MACO1: variants seen among roughly 807,000 people sequenced by gnomAD.
MACO1 encodes macoilin.
MACO1 carries 14 observed loss-of-function variants against 78.7 expected under a neutral mutation model. The ratio of observed to expected loss-of-function variants is 0.18; its 90% CI spans 0.12 to 0.28. The LOEUF (loss-of-function observed/expected upper bound fraction) is 0.28. MACO1 is among the 10% of genes least tolerant of loss of function. MACO1 has a pLI of 1.00. For missense variants in MACO1, 501 were observed against 799.0 expected, an observed-to-expected ratio of 0.63 and a Z score of 4.50; for synonymous variants, 288 against 291.6, an observed-to-expected ratio of 0.99 and a Z score of 0.12.
chr1:25,465,641 AAATTCATGGTGT>A (rs1315430751), intron 6 of MACO1, among the ~76,000 whole-genome samples: 2 of 152,202 alleles, frequency 1.3e-5, no homozygotes, highest in Non-Finnish European at 2.9e-5. Context: ...AAATTTGTAT[AAATTCATGGTGT>A]ACAAGTGCAA....
At chr1:25,480,929 A>AAAAAAAAATATATAT (rs1553166539) in intron 6 of MACO1, among the ~76,000 whole-genome samples, 1 of 47,912 alleles carries the variant, frequency 2.1e-5, no homozygotes, top group Non-Finnish European at 3.4e-5. Flanking sequence ...AAAAAAAAAA[A>AAAAAAAAATATATAT]ATATATATAT....
chr1:25,458,060 G>A (rs35403885), intron 5 of MACO1, among the ~76,000 whole-genome samples: 63,171 of 152,022 alleles, frequency 0.42, 14,440 homozygotes, highest in East Asian at 0.73. Flanking sequence ...AGTGATAGGC[G>A]AGTTTGATTT....
chr1:25,440,064 G>A (rs1281786298), intron 1 of MACO1, among the ~76,000 whole-genome samples: 1 of 151,214 alleles, frequency 6.6e-6, no homozygotes, highest in Non-Finnish European at 1.5e-5. Flanking sequence ...TGGTTTATAT[G>A]GATTATATCT....
At chr1:25,434,429 C>T (rs11802413) in intron 1 of MACO1, among the ~76,000 whole-genome samples, 86,585 of 151,992 alleles carry the variant, frequency 0.57, 25,599 homozygotes, top group African/African-American at 0.71. Flanking sequence ...CAGGGAATTG[C>T]GGAGGATACA....
At chr1:25,436,141 G>T (rs1212693754) in intron 1 of MACO1, among the ~76,000 whole-genome samples, 1 of 152,098 alleles carries the variant, frequency 6.6e-6, no homozygotes, top group East Asian at 1.9e-4. Context: ...GATCTTAATG[G>T]TAGGTTTAAC....
intron 6 of MACO1, among the ~76,000 whole-genome samples, chr1:25,464,410 T>G (rs1005993876): frequency 2.3e-4 from 33 of 143,756 alleles, no homozygotes; most frequent in African/African-American, 7.8e-4. Context: ...AGTGGTGTGA[T>G]CTCGGCTCAC....
intron 10 of MACO1, among the ~76,000 whole-genome samples, chr1:25,494,972 A>C (rs1192920014): frequency 1.3e-5 from 2 of 152,124 alleles, no homozygotes; most frequent in African/African-American, 4.8e-5. Context: ...TTGGGATGGC[A>C]CAGGTGATTG....
chr1:25,457,577 A>G (rs2043132372), intron 5 of MACO1, among the ~76,000 whole-genome samples: 1 of 152,206 alleles, frequency 6.6e-6, no homozygotes, highest in African/African-American at 2.4e-5. Flanking sequence ...GCCAAGATGG[A>G]TAGGTCGTGT....
At chr1:25,477,230 G>GT (rs1043898584) in intron 6 of MACO1, among the ~76,000 whole-genome samples, 1 of 152,190 alleles carries the variant, frequency 6.6e-6, no homozygotes, top group African/African-American at 2.4e-5. Context: ...AATTTTTGTT[G>GT]TTTTTTAACT....
At chr1:25,445,342 G>T (rs918323549) in intron 1 of MACO1, among the ~76,000 whole-genome samples, 3 of 151,664 alleles carry the variant, frequency 2.0e-5, no homozygotes, top group South Asian at 2.1e-4. Context: ...ATTTGCTTTG[G>T]ATTCCTTTAT....
At chr1:25,448,321 G>T (rs754433986) in intron 2 of MACO1, among the ~76,000 whole-genome samples, 11 of 152,148 alleles carry the variant, frequency 7.2e-5, no homozygotes, top group Admixed American at 1.3e-4. Context: ...AAAATTAGTT[G>T]GGTGTAGTGG....
chr1:25,460,542 C>T (rs1458311500), intron 6 of MACO1, among the ~76,000 whole-genome samples: 1 of 151,990 alleles, frequency 6.6e-6, no homozygotes, highest in African/African-American at 2.4e-5. Context: ...GTAGCTGGGA[C>T]TACAGGCGCA....
intron 6 of MACO1, among the ~76,000 whole-genome samples, chr1:25,482,356 C>T (rs771818925): frequency 6.6e-6 from 1 of 152,152 alleles, no homozygotes; most frequent in African/African-American, 2.4e-5. Context: ...TCAACTGCAG[C>T]TCACATGGCA....
At position 25,431,094 on chromosome 1, in the gene MACO1, G is replaced by A; in HGVS notation, c.-5G>A. On this transcript the variant is annotated 5_prime_UTR_variant, in exon 1 of 11. Coordinates refer to ENST00000374343, the MANE Select transcript of MACO1 (RefSeq NM_018202.6). Reference sequence around the variant, plus strand: ...GGCGCGGGCACCCGGCCCCCCAGCGGGAGGATGAAGCGGCGGAACGCCGAC... The same window carrying A: ...GGCGCGGGCACCCGGCCCCCCAGCGAGAGGATGAAGCGGCGGAACGCCGAC... 1.3e-6 allele frequency: 2 copies of A among 1,586,584 alleles called. No individual in the cohort carries two copies. The highest frequency in any genetic ancestry group is 1.1e-5 in the South Asian group (1 of 88,120).
chr1:25,484,841 G>A (rs1280501138), intron 7 of MACO1, among the ~76,000 whole-genome samples: 1 of 152,038 alleles, frequency 6.6e-6, no homozygotes, highest in East Asian at 1.9e-4. Context: ...GATCATTACA[G>A]GCTGTTGGCT....
chr1:25,448,849 T>C lies in MACO1; in HGVS notation c.264T>C (p.Asn88=). 6.4e-7 allele frequency: 1 copy of C among 1,562,024 alleles called. No homozygotes were observed. Among genetic ancestry groups the C allele is most frequent in the Non-Finnish European group, 8.7e-7 (1 of 1,144,614 alleles). Residue 88 remains asparagine, a synonymous_variant, in exon 3 of 11, where the codon AAT becomes AAC. Coordinates refer to ENST00000374343, the MANE Select transcript of MACO1 (RefSeq NM_018202.6). ...VFFVCVAFTS[N]IICLLFIPIQ... is the part of the protein sequence containing the mutation. ...TTGTTTGTGTAGCATTCACGTCAAA[T>C]ATAATATGCCTGCTGTTCATCCCCA...
chr1:25,463,797 A>G (rs976444027), intron 6 of MACO1, among the ~76,000 whole-genome samples: 1 of 152,206 alleles, frequency 6.6e-6, no homozygotes, highest in African/African-American at 2.4e-5. Flanking sequence ...TCTTAGGCTA[A>G]TTATATATAG....
chr1:25,447,199 T>G (rs1289327817), intron 2 of MACO1, among the ~76,000 whole-genome samples: 1 of 143,030 alleles, frequency 7.0e-6, no homozygotes, highest in Admixed American at 7.3e-5. Context: ...ATTGCAACCA[T>G]AAAGGCCGTT....
At chr1:25,493,007 G>A (rs775004677) in intron 10 of MACO1, among the ~76,000 whole-genome samples, 1 of 152,046 alleles carries the variant, frequency 6.6e-6, no homozygotes, top group Non-Finnish European at 1.5e-5. Context: ...GGAACATAGC[G>A]AGACCTTGTG....
Sources: allele counts gnomAD v4.1 joint callset (sites outside exome capture counted in the v4.1 genomes callset), GRCh38; gene constraint gnomAD v4.1.1; transcripts MANE v1.5; gene names NCBI Gene and HGNC (gene_info 2026-07-23, HGNC 2026-07-21).